UNC5C: variants seen among roughly 807,000 people sequenced by gnomAD.
The protein encoded by UNC5C is unc-5 netrin receptor C, also known as netrin receptor UNC5C.
In UNC5C, 47 loss-of-function variants were observed where a neutral mutation model predicts 99.8. The ratio of observed to expected loss-of-function variants is 0.47; its 90% CI spans 0.37 to 0.60. The LOEUF is 0.60. UNC5C is among the 20% of genes least tolerant of loss of function. UNC5C has a pLI of 0.00. For synonymous variants in UNC5C, 487 were observed against 452.2 expected (o/e 1.08, Z -0.98); for missense variants, 1,062 against 1,165.9 (o/e 0.91, Z 1.30).
chr4:95,482,272 T>TA (rs1721180715), intron 1 of UNC5C, among the ~76,000 whole-genome samples: 2 of 151,850 alleles, frequency 1.3e-5, no homozygotes, highest in South Asian at 4.1e-4. Context: ...TCACCATCAC[T>TA]GGCCATCAGA....
rs540134334 is a variant in UNC5C, at chr4:95,181,793, C to T, written c.2451+1104G>A. Among the ~76,000 whole-genome samples, 357 of 152,270 alleles carry T rather than the reference C, an allele frequency of 2.3e-3. 1 individual carries two copies. The highest frequency in any genetic ancestry group is 8.3e-3 in the African/African-American group (344 of 41,548). Reference sequence around the variant, plus strand: ...GGAAAGAAAGAAGGATGGAGTGTAGCGGAAGCTGATGTGCTTTTCTCCCCA... The same window carrying T: ...GGAAAGAAAGAAGGATGGAGTGTAGTGGAAGCTGATGTGCTTTTCTCCCCA... On this transcript the variant is annotated intron_variant, in intron 14 of 15. Coordinates refer to ENST00000453304, the MANE Select transcript of UNC5C (RefSeq NM_003728.4).
intron 2 of UNC5C, among the ~76,000 whole-genome samples, chr4:95,322,587 A>C (rs1742730385): frequency 1.3e-5 from 2 of 152,254 alleles, no homozygotes; most frequent in South Asian, 4.1e-4. Flanking sequence ...CATAAATATA[A>C]CTTTAATAAA....
At chr4:95,466,894 G>T (rs1747798113) in intron 1 of UNC5C, among the ~76,000 whole-genome samples, 1 of 152,146 alleles carries the variant, frequency 6.6e-6, no homozygotes, top group East Asian at 1.9e-4. Context: ...GTGTGGCCTG[G>T]ATCTAGTGAC....
In UNC5C at chr4:95,170,180, C is replaced by T. The variant is rs756628543; in HGVS notation, c.2604G>A (p.Met868Ile). 1.9e-6 allele frequency: 3 copies of T among 1,614,112 alleles called. No homozygotes were observed. Among genetic ancestry groups the T allele is most frequent in the Admixed American group, 1.7e-5 (1 of 60,018 alleles). The change falls in exon 15 of 16, where the codon ATG (methionine) becomes ATA (isoleucine). Residue 868 changes from methionine to isoleucine, a missense_variant. Physicochemically the swap from Met to Ile is conservative, Grantham distance 10. Transcript: ENST00000453304. ...TGTCCAGGTTCAGCTTATGGGCCAG[C>T]ATCCTCCAGTCATGGCCTCTCGTCT... Reference protein sequence around the residue: ...APQTRGHDWRMLAHKLNLDRY... With the variant: ...APQTRGHDWRILAHKLNLDRY...
chr4:95,312,491 G>A (rs186444622), intron 2 of UNC5C, among the ~76,000 whole-genome samples: 41 of 152,232 alleles, frequency 2.7e-4, no homozygotes, highest in Admixed American at 1.9e-3. Flanking sequence ...TTTTTGAACA[G>A]CTACTGTGCA....
In UNC5C at chr4:95,532,550, A is replaced by AAT. The variant is rs1375399564; in HGVS notation, c.124+16183_124+16184insAT. Among the ~76,000 whole-genome samples, 16 of 152,156 alleles carry AAT rather than the reference A, an allele frequency of 1.1e-4. No homozygotes were observed. The East Asian group carries it at 1.9e-3, about 18-fold the overall frequency. On this transcript the variant is annotated intron_variant, in intron 1 of 15. Transcript: ENST00000453304. ...CAACTCATCAATTCCTGTACTCATC[A>AAT]TGCTGGCCTACCAACTGGGGACACA... is the stretch of plus-strand genomic sequence containing the variant.
At chr4:95,242,776 C>T (rs1739374647) in intron 6 of UNC5C, among the ~76,000 whole-genome samples, 183 bp from the exon 7 acceptor site, 1 of 152,168 alleles carries the variant, frequency 6.6e-6, no homozygotes, top group African/African-American at 2.4e-5. Flanking sequence ...GTGAGCTTTT[C>T]CTATAGAGTG....
intron 2 of UNC5C, among the ~76,000 whole-genome samples, chr4:95,333,163 C>A (rs537144333): frequency 1.3e-5 from 2 of 152,088 alleles, no homozygotes; most frequent in East Asian, 1.9e-4. Context: ...GTCAGTGTGG[C>A]GATTCCTCAG....
chr4:95,271,266 C>A (rs979686634), intron 4 of UNC5C, among the ~76,000 whole-genome samples: 1 of 150,918 alleles, frequency 6.6e-6, no homozygotes, highest in Non-Finnish European at 1.5e-5. Flanking sequence ...CTCGCTCTGT[C>A]GCCCAGGCTG....
At chr4:95,201,896 A>T (rs540926201) in intron 12 of UNC5C, among the ~76,000 whole-genome samples, 14 of 151,680 alleles carry the variant, frequency 9.2e-5, no homozygotes, top group Non-Finnish European at 1.9e-4. Context: ...GAGCCACCAC[A>T]CCCGGCCGAG....
At chr4:95,232,686 T>C (rs1738957232) in intron 7 of UNC5C, among the ~76,000 whole-genome samples, 1 of 152,146 alleles carries the variant, frequency 6.6e-6, no homozygotes, top group Admixed American at 6.6e-5. Flanking sequence ...TAGGCTTCTG[T>C]AGGCTAAAGT....
intron 1 of UNC5C, among the ~76,000 whole-genome samples, chr4:95,418,902 C>T (rs918023945): frequency 6.6e-6 from 1 of 152,124 alleles, no homozygotes; most frequent in African/African-American, 2.4e-5. Context: ...CTGTTCTGCC[C>T]TTCCCCTGCC....
At chr4:95,444,075 TC>T (rs1347567108) in intron 1 of UNC5C, among the ~76,000 whole-genome samples, 1 of 152,198 alleles carries the variant, frequency 6.6e-6, no homozygotes, top group Non-Finnish European at 1.5e-5. Context: ...CTCCTGAATA[TC>T]CTTTGAGAGC....
At chr4:95,240,149 A>G (rs1739277276) in intron 7 of UNC5C, among the ~76,000 whole-genome samples, 1 of 152,216 alleles carries the variant, frequency 6.6e-6, no homozygotes, top group African/African-American at 2.4e-5. Context: ...TTAAATGATA[A>G]TTCCTAATTG....
chr4:95,407,394 AG>A (rs1560821825), intron 1 of UNC5C, among the ~76,000 whole-genome samples: 1 of 152,032 alleles, frequency 6.6e-6, no homozygotes, highest in Non-Finnish European at 1.5e-5. Context: ...GTACAGTAAA[AG>A]TGAGAGGGTA....
At chr4:95,278,186 T>C in intron 4 of UNC5C, 73 bp downstream of exon 4, 1 of 1,232,328 alleles carries the variant, frequency 8.1e-7, no homozygotes, top group African/African-American at 1.5e-5. Flanking sequence ...CACTGCACCA[T>C]TAGCCATGGA....
intron 3 of UNC5C, among the ~76,000 whole-genome samples, chr4:95,287,948 G>A (rs189919624): frequency 1.1e-3 from 172 of 152,166 alleles, no homozygotes; most frequent in African/African-American, 3.9e-3. Context: ...GTTAAATTCA[G>A]TTCCCAAAAT....
chr4:95,420,676 A>C (rs1254353812), intron 1 of UNC5C, among the ~76,000 whole-genome samples: 1 of 152,146 alleles, frequency 6.6e-6, no homozygotes, highest in Admixed American at 6.5e-5. Flanking sequence ...TTTCAATAAA[A>C]AGGTAGAAAA....
In UNC5C at chr4:95,398,044, C is replaced by CTTTTTTT. The variant is rs34609153; in HGVS notation, c.125-62420_125-62414dup. ...CCCAATGAGAAGTAGCCAAATGTAG[C>CTTTTTTT]TTTTTTTTTTTTTTTTTTTGCTTAT... On this transcript the variant is annotated intron_variant, in intron 1 of 15. Coordinates refer to ENST00000453304, the MANE Select transcript of UNC5C (RefSeq NM_003728.4). Among the ~76,000 whole-genome samples, 70 of 95,890 alleles carry CTTTTTTT rather than the reference C, an allele frequency of 7.3e-4. 6 individuals carry two copies. Among genetic ancestry groups the CTTTTTTT allele is most frequent in the African/African-American group, 2.3e-3 (47 of 20,454 alleles). The allele number at this position is 95,890 out of a possible 152,430, so 62.9% of individuals were successfully genotyped here.
Sources: gnomAD v4.1 joint callset for allele counts (sites outside exome capture counted in the v4.1 genomes callset) on GRCh38, gnomAD v4.1.1 for gene constraint, MANE v1.5 for transcripts, NCBI Gene and HGNC (gene_info 2026-07-23, HGNC 2026-07-21) for gene names.